CYFIP1: variants seen among roughly 807,000 people sequenced by gnomAD.
CYFIP1 encodes cytoplasmic FMR1-interacting protein 1.
Under a neutral mutation model 163.5 loss-of-function variants are expected in CYFIP1, and 58 were observed. The ratio of observed to expected loss-of-function variants is 0.35; its 90% confidence interval spans 0.29 to 0.44. CYFIP1 has a LOEUF of 0.44. Among genes scored for constraint, CYFIP1 ranks in the 20% least tolerant of loss-of-function variants. The pLI, the probability that CYFIP1 is intolerant of heterozygous loss-of-function variation, is 1.00. For synonymous variants in CYFIP1, 663 were observed against 660.7 expected, an observed-to-expected ratio of 1.00 and a Z score of -0.05; for missense variants, 1,338 against 1,653.8, an observed-to-expected ratio of 0.81 and a Z score of 3.31.
intron 11 of CYFIP1, among the ~76,000 whole-genome samples, chr15:22,930,389 C>CAAAAAAAAAAAA (rs35398202): frequency 5.3e-5 from 6 of 114,080 alleles, no homozygotes; most frequent in African/African-American, 1.3e-4. Context: ...CCGTCTCACC[C>CAAAAAAAAAAAA]AAAAAAAAAA....
chr15:22,883,969 G>A (rs1036151422), intron 23 of CYFIP1, among the ~76,000 whole-genome samples: 29 of 152,186 alleles, frequency 1.9e-4, no homozygotes, highest in African/African-American at 5.5e-4. Context: ...AACAAAAGGC[G>A]AAGCCCCTTA....
At chr15:22,946,847 A>G (rs1378409910) in intron 3 of CYFIP1, 156 bp downstream of exon 3, 3 of 751,740 alleles carry the variant, frequency 4.0e-6, no homozygotes, top group South Asian at 2.9e-5. Flanking sequence ...TACACTAAGA[A>G]AAGCAAAGAC....
chr15:22,903,622 G>A, intron 22 of CYFIP1, 84 bp downstream of exon 22: 1 of 1,401,002 alleles, frequency 7.1e-7, no homozygotes, highest in Non-Finnish European at 1.0e-6. Context: ...GGGAGACAGG[G>A]ACCTGGTGAC....
rs956936076 is a variant in CYFIP1, at chr15:22,934,768, G to C, written c.901-875C>G. ...CCGCCTCGGCCTCCCAAAGTGCTGG[G>C]ATTACAGGCATAAGCCACCGTGCCC... On this transcript the variant is annotated intron_variant, in intron 9 of 30. Coordinates refer to ENST00000617928, the MANE Select transcript of CYFIP1 (RefSeq NM_014608.6). Among the ~76,000 whole-genome samples the C allele has an allele frequency of 5.9e-5, 9 of 152,052 alleles. No individual in the cohort carries two copies. In the South Asian group the frequency reaches 1.4e-3, roughly 24 times the overall value.
In CYFIP1 at chr15:22,917,125, G is replaced by A. The variant is rs1267361790; in HGVS notation, c.1675-495C>T. 19 of 1,446,368 alleles carry A rather than the reference G, an allele frequency of 1.3e-5. No homozygotes were observed. The highest frequency in any genetic ancestry group is 2.7e-5 in the Admixed American group (1 of 36,502). The allele number at this position is 1,446,368 out of a possible 1,614,324, so 89.6% of individuals were successfully genotyped here. A position where few individuals can be genotyped will look rare whatever the true frequency, so the allele number is the denominator to read the frequency against. On this transcript the variant is annotated intron_variant, in intron 15 of 30. Coordinates refer to ENST00000617928, the MANE Select transcript of CYFIP1 (RefSeq NM_014608.6). The surrounding 1 kb of genome is among the most constrained non-coding windows in gnomAD (Gnocchi z 4.2). ...GGGACACGGGACGCACGCAGAGGGAGGCAGGGAGGGTGGCTGGCACCACGC... is the reference window on the plus strand; with the variant it reads ...GGGACACGGGACGCACGCAGAGGGAAGCAGGGAGGGTGGCTGGCACCACGC...
At chr15:22,890,060 G>A (rs1232076427) in intron 23 of CYFIP1, among the ~76,000 whole-genome samples, 1 of 151,870 alleles carries the variant, frequency 6.6e-6, no homozygotes, top group Non-Finnish European at 1.5e-5. Context: ...CCAACACTTC[G>A]GGAGGCCAAG....
In CYFIP1 at chr15:22,867,140, A is replaced by C. The variant is rs185009159; in HGVS notation, c.*2888T>G. ...ATGCACTAATGACAGTTTTAAGTCTATGAAAATGCTTTATTTTTTCATTGG... is the reference window on the plus strand; with the variant it reads ...ATGCACTAATGACAGTTTTAAGTCTCTGAAAATGCTTTATTTTTTCATTGG... On this transcript the variant is annotated 3_prime_UTR_variant, in exon 31 of 31. Coordinates refer to ENST00000617928, the MANE Select transcript of CYFIP1 (RefSeq NM_014608.6). The C allele has an allele frequency of 1.1e-3, 511 of 454,340 alleles. 2 individuals carry two copies. Among genetic ancestry groups the C allele is most frequent in the African/African-American group, 9.4e-3 (465 of 49,284 alleles). The allele number at this position is 454,340 out of a possible 1,614,324, so 28.1% of individuals were successfully genotyped here.
At chr15:22,948,108 G>A (rs574555953) in intron 1 of CYFIP1, 129 of 461,194 alleles carry the variant, frequency 2.8e-4, no homozygotes, top group African/African-American at 2.5e-3. Flanking sequence ...CAGCACTGGC[G>A]CAGGCATGGA....
intron 23 of CYFIP1, among the ~76,000 whole-genome samples, chr15:22,885,677 G>A (rs2059908955): frequency 1.3e-5 from 2 of 152,160 alleles, no homozygotes; most frequent in South Asian, 4.1e-4. Flanking sequence ...AGGTTGCAGT[G>A]AGCTGAGATT....
chr15:22,901,367 T>C (rs938972709), intron 22 of CYFIP1, among the ~76,000 whole-genome samples: 2 of 152,164 alleles, frequency 1.3e-5, no homozygotes, highest in Non-Finnish European at 2.9e-5. Flanking sequence ...CTACAAATTA[T>C]AACTTTTAAA....
rs183705785 is a variant in CYFIP1, at chr15:22,957,180, C to T, written c.-6-9889G>A. Among the ~76,000 whole-genome samples, 199 of 152,340 alleles carry T rather than the reference C, an allele frequency of 1.3e-3. 1 individual carries two copies. Among genetic ancestry groups the T allele is most frequent in the African/African-American group, 4.7e-3 (194 of 41,568 alleles). Reference sequence around the variant, plus strand: ...TGCTTTGCTAGAAAGAGGGTCTTCCCAGCATTTCTAAACCAGTCATTTAAA... The same window carrying T: ...TGCTTTGCTAGAAAGAGGGTCTTCCTAGCATTTCTAAACCAGTCATTTAAA... On this transcript the variant is annotated intron_variant, in intron 1 of 30. Coordinates refer to ENST00000617928, the MANE Select transcript of CYFIP1 (RefSeq NM_014608.6).
chr15:22,930,365 G>A (rs1232772367), intron 11 of CYFIP1, among the ~76,000 whole-genome samples: 3 of 129,678 alleles, frequency 2.3e-5, no homozygotes, highest in South Asian at 2.5e-4. Context: ...CAGCCTGGGC[G>A]ACACAGCAAG....
chr15:22,877,322 G>A (rs1011299452), intron 26 of CYFIP1, among the ~76,000 whole-genome samples: 1 of 152,120 alleles, frequency 6.6e-6, no homozygotes, highest in African/African-American at 2.4e-5. Context: ...CCTGACAGAT[G>A]GGCTGCCTGA....
At chr15:22,873,004 A>G in intron 29 of CYFIP1, 32 bp from the exon 30 acceptor site, 5 of 1,611,422 alleles carry the variant, frequency 3.1e-6, no homozygotes, top group Non-Finnish European at 4.2e-6. Context: ...AGAATGGGAG[A>G]TGAGTGATAC....
chr15:22,961,170 C>T (rs1442656162), intron 1 of CYFIP1, among the ~76,000 whole-genome samples: 3 of 151,576 alleles, frequency 2.0e-5, no homozygotes, highest in East Asian at 3.9e-4. Flanking sequence ...TACAGGGGCT[C>T]GCCACCATGC....
chr15:22,961,286 C>T (rs1368122603), intron 1 of CYFIP1, among the ~76,000 whole-genome samples: 3 of 152,092 alleles, frequency 2.0e-5, no homozygotes, highest in African/African-American at 7.2e-5. Flanking sequence ...CCTTCCAAAG[C>T]GCTGAGATTG....
In CYFIP1 at chr15:22,937,101, C is replaced by T; in HGVS notation, c.900+3G>A. 1 of 1,581,666 alleles carries T rather than the reference C, an allele frequency of 6.3e-7. No homozygotes were observed. The highest frequency in any genetic ancestry group is 1.1e-5 in the South Asian group (1 of 90,310). On this transcript the variant is annotated splice_donor_region_variant and intron_variant, in intron 9 of 30. Transcript: ENST00000617928. ...AACATTGATCTAAAAACATGTAACT[C>T]ACCTTGAAGTACTTGTCGATTTTGG... is the stretch of plus-strand genomic sequence containing the variant.
rs534254052 is a variant in CYFIP1 at position 22,874,544 on chromosome 15, C to T, written c.3210+6G>A. On this transcript the variant is annotated splice_donor_region_variant and intron_variant, in intron 28 of 30. Coordinates refer to ENST00000617928, the MANE Select transcript of CYFIP1 (RefSeq NM_014608.6). ...CAACAGCCACAGCCATCACGGTACA[C>T]GTTACCTGAGGGGTCCCCAGTCTTT... The T allele has an allele frequency of 5.3e-4, 843 of 1,591,666 alleles. 12 individuals carry two copies. In the South Asian group the frequency reaches 7.7e-3, roughly 15 times the overall value.
At chr15:22,908,230 G>A (rs1442280933) in intron 21 of CYFIP1, among the ~76,000 whole-genome samples, 3 of 152,072 alleles carry the variant, frequency 2.0e-5, no homozygotes, top group African/African-American at 7.2e-5. Context: ...AAATACCACA[G>A]GAACATACCA....
Sources: allele counts gnomAD v4.1 joint callset (sites outside exome capture counted in the v4.1 genomes callset), GRCh38; gene constraint gnomAD v4.1.1; non-coding constraint Gnocchi (gnomAD v3.1); transcripts MANE v1.5; gene names NCBI Gene and HGNC (gene_info 2026-07-23, HGNC 2026-07-21).